ITCH: variants seen among roughly 807,000 people sequenced by gnomAD.
ITCH encodes the protein E3 ubiquitin-protein ligase Itchy homolog.
In ITCH, 28 loss-of-function variants were observed where a neutral mutation model predicts 126.8. The ratio of observed to expected loss-of-function variants is 0.22; its 90% CI spans 0.16 to 0.30. The LOEUF is 0.30. Among genes scored for constraint, ITCH ranks in the 10% least tolerant of loss-of-function variants. The pLI, the probability that ITCH is intolerant of heterozygous loss-of-function variation, is 1.00. For synonymous variants in ITCH, 342 were observed against 340.0 expected (o/e 1.01, Z -0.06); for missense variants, 631 against 1,032.4 (o/e 0.61, Z 5.33).
chr20:34,445,550 T>C lies in ITCH; in HGVS notation c.1140+89T>C, dbSNP rs79124459. On this transcript the variant is annotated intron_variant, in intron 11 of 24. Coordinates refer to ENST00000374864, the MANE Select transcript of ITCH (RefSeq NM_031483.7). Reference sequence around the variant, plus strand: ...GTCATGGAAAGCACTAAAAAGAAGGTGCAAGTAGCATGGCAACCCAGTTGT... The same window carrying C: ...GTCATGGAAAGCACTAAAAAGAAGGCGCAAGTAGCATGGCAACCCAGTTGT... 2.6e-4 allele frequency: 340 copies of C among 1,322,070 alleles called. No homozygotes were observed. In the African/African-American group the frequency reaches 4.5e-3, roughly 18 times the overall value. 81.9% of individuals were successfully genotyped at this position (1,322,070 alleles called of 1,614,324 possible). A position where few individuals can be genotyped will look rare whatever the true frequency, so the allele number is the denominator to read the frequency against.
At chr20:34,487,298 C>T (rs542371626) in intron 20 of ITCH, among the ~76,000 whole-genome samples, 14 of 152,252 alleles carry the variant, frequency 9.2e-5, no homozygotes, top group Non-Finnish European at 1.8e-4. Flanking sequence ...AGGCATGAGC[C>T]GCCGTGCCCA....
chr20:34,443,422 G>T (rs1174742586), intron 10 of ITCH, among the ~76,000 whole-genome samples: 1 of 151,784 alleles, frequency 6.6e-6, no homozygotes, highest in African/African-American at 2.4e-5. Context: ...GCAGGAGAAT[G>T]ACTTGAACCT....
At chr20:34,373,107 T>A (rs2037703052) in intron 2 of ITCH, among the ~76,000 whole-genome samples, 1 of 151,936 alleles carries the variant, frequency 6.6e-6, no homozygotes, top group South Asian at 2.1e-4. Flanking sequence ...CCCAAGTAGC[T>A]GGGATTATAG....
At chr20:34,476,527 T>C in intron 16 of ITCH, 1 of 1,072,912 alleles carries the variant, frequency 9.3e-7, no homozygotes, top group Non-Finnish European at 1.2e-6. Flanking sequence ...TTTAACCTTG[T>C]GACATTTCTC....
chr20:34,481,571 T>TA (rs1366079052), intron 20 of ITCH, among the ~76,000 whole-genome samples: 13 of 151,804 alleles, frequency 8.6e-5, no homozygotes, highest in Admixed American at 2.0e-4. Flanking sequence ...GGGCAATTTA[T>TA]AAAAAAAAGA....
chr20:34,481,926 G>C (rs550515563), intron 20 of ITCH, among the ~76,000 whole-genome samples: 1 of 152,308 alleles, frequency 6.6e-6, no homozygotes, highest in African/African-American at 2.4e-5. Context: ...CAGGAGAATG[G>C]CTTGAACCTG....
intron 3 of ITCH, among the ~76,000 whole-genome samples, chr20:34,397,734 T>C (rs977560207): frequency 3.3e-5 from 5 of 152,142 alleles, no homozygotes; most frequent in Admixed American, 1.3e-4. Flanking sequence ...CAGTTTTTTT[T>C]CCCCACCCCT....
intron 5 of ITCH, 74 bp downstream of exon 5, chr20:34,412,713 C>G (rs1333726978): frequency 8.3e-7 from 1 of 1,197,894 alleles, no homozygotes; most frequent in African/African-American, 1.5e-5. Context: ...GTCAAACATG[C>G]ATAATGACTC....
intron 15 of ITCH, among the ~76,000 whole-genome samples, chr20:34,470,782 C>T (rs747388828): frequency 1.3e-5 from 2 of 152,092 alleles, no homozygotes; most frequent in African/African-American, 4.8e-5. Context: ...ACAGGGTCCC[C>T]TTATGTTGCC....
chr20:34,507,652 T>G, intron 24 of ITCH, 43 bp from the exon 25 acceptor site: 1 of 1,463,966 alleles, frequency 6.8e-7, no homozygotes, highest in Non-Finnish European at 9.6e-7. Flanking sequence ...CATTTGATTC[T>G]TTGCATATTT....
chr20:34,419,363 A>G (rs1980423651), intron 6 of ITCH, among the ~76,000 whole-genome samples: 1 of 152,136 alleles, frequency 6.6e-6, no homozygotes, highest in Non-Finnish European at 1.5e-5. Context: ...TCCTTTCGAG[A>G]TAATCACTAT....
At chr20:34,417,737 T>C (rs912093088) in intron 6 of ITCH, among the ~76,000 whole-genome samples, 4 of 145,332 alleles carry the variant, frequency 2.8e-5, no homozygotes, top group Admixed American at 7.3e-5. Flanking sequence ...AAAGGTTGAC[T>C]TATTCTTATA....
At chr20:34,475,916 G>C (rs1424166234) in intron 16 of ITCH, 74 of 1,189,280 alleles carry the variant, frequency 6.2e-5, no homozygotes, top group Non-Finnish European at 8.8e-6. Flanking sequence ...ATTCCTATTT[G>C]TTCTAGTTCA....
At chr20:34,500,414 T>C (rs2146550073) in intron 23 of ITCH, among the ~76,000 whole-genome samples, 1 of 152,338 alleles carries the variant, frequency 6.6e-6, no homozygotes, top group South Asian at 2.1e-4. Flanking sequence ...TTTATCATTA[T>C]AGAATGCCCT....
chr20:34,459,047 A>G (rs1276807712), intron 13 of ITCH, among the ~76,000 whole-genome samples: 1 of 152,168 alleles, frequency 6.6e-6, no homozygotes. Context: ...TGCTGCCCTC[A>G]CTTCAGACAT....
At chr20:34,443,849 G>A (rs985513174) in intron 10 of ITCH, among the ~76,000 whole-genome samples, 3 of 152,098 alleles carry the variant, frequency 2.0e-5, no homozygotes, top group African/African-American at 7.2e-5. Flanking sequence ...AGCTGGGCAT[G>A]GTGGCATGTA....
intron 14 of ITCH, among the ~76,000 whole-genome samples, chr20:34,468,499 A>G (rs1420552887): frequency 6.6e-6 from 1 of 151,962 alleles, no homozygotes. Context: ...AGATGAGAAA[A>G]AGAAATACAG....
At chr20:34,441,012 T>G (rs1001187363) in intron 9 of ITCH, among the ~76,000 whole-genome samples, 3 of 152,134 alleles carry the variant, frequency 2.0e-5, no homozygotes, top group African/African-American at 7.2e-5. Flanking sequence ...GGCTCACGCC[T>G]GTAATACCAG....
At chr20:34,429,396 G>A (rs866819906) in intron 7 of ITCH, among the ~76,000 whole-genome samples, 4 of 152,100 alleles carry the variant, frequency 2.6e-5, no homozygotes, top group South Asian at 2.1e-4. Context: ...AAAATAAACC[G>A]CCAGTACTAT....
Sources: gnomAD v4.1 joint callset for allele counts (sites outside exome capture counted in the v4.1 genomes callset) on GRCh38, gnomAD v4.1.1 for gene constraint, MANE v1.5 for transcripts, NCBI Gene and HGNC (gene_info 2026-07-23, HGNC 2026-07-21) for gene names.